PRSS23: variants seen among roughly 807,000 people sequenced by gnomAD.
PRSS23 encodes the protein serine protease 23.
PRSS23 carries 25 observed loss-of-function variants against 34.7 expected under a neutral mutation model. The ratio of observed to expected loss-of-function variants is 0.72; its 90% CI spans 0.53 to 1.01. The LOEUF (loss-of-function observed/expected upper bound fraction) is 1.01. Ranked by LOEUF, PRSS23 falls within the 50% of genes least tolerant of loss-of-function variation. The pLI, the probability that PRSS23 is intolerant of heterozygous loss-of-function variation, is 0.00. For missense variants in PRSS23, 445 were observed against 475.6 expected (o/e 0.94, Z 0.60); for synonymous variants, 176 against 186.6 (o/e 0.94, Z 0.46).
At chr11:86,951,138 A>G (rs1337129045) in intron 2 of PRSS23, 11 of 1,613,864 alleles carry the variant, frequency 6.8e-6, no homozygotes, top group East Asian at 2.2e-5. Context: ...GAGGCTGACT[A>G]GCCTTATACC....
chr11:86,922,936 T>A (rs1182804980), intron 2 of PRSS23, among the ~76,000 whole-genome samples: 2 of 152,146 alleles, frequency 1.3e-5, no homozygotes, highest in African/African-American at 4.8e-5. Flanking sequence ...TGAAATGTGG[T>A]TAGTCTGAAT....
At chr11:86,920,370 C>T (rs957594580) in intron 2 of PRSS23, among the ~76,000 whole-genome samples, 9 of 152,142 alleles carry the variant, frequency 5.9e-5, no homozygotes, top group African/African-American at 1.9e-4. Flanking sequence ...GCCAGTAGTC[C>T]GAACTTGAGA....
rs564951973 is a variant in PRSS23, at chr11:86,793,116, A to G, written c.-14+1921A>G. On this transcript the variant is annotated intron_variant, in intron 1 of 1. Coordinates refer to the PRSS23 transcript ENST00000527521. ...AAATTCTGTTCTTTAGAAGGCTTCTATATTGTGAACTGTTACTTCTGTATT... is the reference window on the plus strand; with the variant it reads ...AAATTCTGTTCTTTAGAAGGCTTCTGTATTGTGAACTGTTACTTCTGTATT... 3.9e-5 allele frequency among the ~76,000 whole-genome samples: 6 copies of G among 152,324 alleles called. 1 individual carries two copies. Among genetic ancestry groups the G allele is most frequent in the African/African-American group, 1.4e-4 (6 of 41,576 alleles).
intron 2 of PRSS23, among the ~76,000 whole-genome samples, chr11:86,916,233 A>C (rs1374743350): frequency 1.3e-5 from 2 of 151,284 alleles, no homozygotes; most frequent in African/African-American, 2.4e-5. Context: ...TTCTTTTTAC[A>C]AAAAAAACCC....
At chr11:86,829,692 G>A (rs2134886085) in intron 2 of PRSS23, among the ~76,000 whole-genome samples, 1 of 152,294 alleles carries the variant, frequency 6.6e-6, no homozygotes, top group African/African-American at 2.4e-5. Flanking sequence ...CTGTTTGTTA[G>A]TTTTCCTTCT....
intron 2 of PRSS23, chr11:86,832,953 AG>A: frequency 2.7e-6 from 1 of 371,388 alleles, no homozygotes; most frequent in Middle Eastern, 9.2e-4. Context: ...TCCTTGATGC[AG>A]GTCATTTGTA....
chr11:86,863,166 G>A (rs937734329), intron 2 of PRSS23, among the ~76,000 whole-genome samples: 9 of 151,982 alleles, frequency 5.9e-5, no homozygotes, highest in Non-Finnish European at 1.2e-4. Flanking sequence ...CACACTTGGT[G>A]TACACTCTGT....
chr11:86,904,499 G>A (rs886884337), intron 2 of PRSS23, among the ~76,000 whole-genome samples: 1 of 152,110 alleles, frequency 6.6e-6, no homozygotes, highest in African/African-American at 2.4e-5. Context: ...AGCTCAAGCA[G>A]TGCCTTTCCC....
chr11:86,952,287 T>A lies in PRSS23; in HGVS notation c.*1002T>A. 6.2e-7 allele frequency: 1 copy of A among 1,614,172 alleles called. No individual in the cohort carries two copies. The highest frequency in any genetic ancestry group is 1.7e-5 in the Admixed American group (1 of 60,028). Reference sequence around the variant, plus strand: ...TCATCACCTGGCCCTTCCATGCACATGTGGTTGTGGTCGTTCTGTGGTGGG... The same window carrying A: ...TCATCACCTGGCCCTTCCATGCACAAGTGGTTGTGGTCGTTCTGTGGTGGG... On this transcript the variant is annotated 3_prime_UTR_variant, in exon 3 of 3. Transcript: ENST00000533902.
intron 2 of PRSS23, among the ~76,000 whole-genome samples, chr11:86,876,715 A>C (rs906085543): frequency 8.6e-6 from 1 of 116,408 alleles, no homozygotes; most frequent in African/African-American, 3.9e-5. Flanking sequence ...TGATCTATAT[A>C]ACAGTTAACA....
At position 86,807,864 on chromosome 11, in the gene PRSS23, C is replaced by T. The variant is rs139293346; in HGVS notation, c.221C>T (p.Pro74Leu). The stretch of plus-strand genomic sequence containing the variant: ...GGACCCCAGTGTCATAAGGGAACTC[C>T]ACTGCCCACTTACGAAGAGGCCAAG... The part of the protein sequence containing the change: ...SCGPQCHKGT[P>L]LPTYEEAKQY... Residue 74 changes from proline (P) to leucine (L), a missense_variant, in exon 2 of 2, where the codon CCA (proline) becomes CTA (leucine). Transcript: ENST00000280258. 7.4e-6 allele frequency: 12 copies of T among 1,613,972 alleles called. No homozygotes were observed. Among genetic ancestry groups the T allele is most frequent in the African/African-American group, 2.7e-5 (2 of 74,886 alleles).
intron 2 of PRSS23, among the ~76,000 whole-genome samples, chr11:86,842,163 G>C (rs959460593): frequency 6.6e-6 from 1 of 152,066 alleles, no homozygotes; most frequent in Non-Finnish European, 1.5e-5. Context: ...ATCACATAAA[G>C]AGAACCAAGA....
At chr11:86,838,457 A>G (rs1255272816) in intron 2 of PRSS23, among the ~76,000 whole-genome samples, 1 of 152,176 alleles carries the variant, frequency 6.6e-6, no homozygotes, top group Non-Finnish European at 1.5e-5. Context: ...CAGTGTAAAC[A>G]AAGCTGCCAG....
At chr11:86,914,095 G>A (rs117662021) in intron 2 of PRSS23, among the ~76,000 whole-genome samples, 14,163 of 150,842 alleles carry the variant, frequency 0.094, 940 homozygotes, top group Non-Finnish European at 0.14. Context: ...ACGTGGTGGC[G>A]TGTGCCTGTA....
rs553803381 is a variant in PRSS23, at chr11:86,898,499, T to C, written c.207-52717T>C. 2.6e-5 allele frequency among the ~76,000 whole-genome samples: 4 copies of C among 152,332 alleles called. No homozygotes were observed. In the South Asian group the frequency reaches 8.3e-4, roughly 32 times the overall value. On this transcript the variant is annotated intron_variant, in intron 2 of 2. Transcript: ENST00000533902. The stretch of plus-strand genomic sequence containing the variant: ...TGTAGTCAATAAGGAAGGAGTCTCT[T>C]TGAGAATTCCATTATGACCATAGCT...
At chr11:86,796,466 C>T (rs1309360209), upstream of PRSS23, among the ~76,000 whole-genome samples, 3 of 151,558 alleles carry the variant, frequency 2.0e-5, no homozygotes, top group East Asian at 5.8e-4. Context: ...ACGGTGAAAC[C>T]CCGTCTCTAC....
chr11:86,928,904 C>T (rs929772440), intron 2 of PRSS23, among the ~76,000 whole-genome samples: 2 of 151,792 alleles, frequency 1.3e-5, no homozygotes, highest in African/African-American at 2.4e-5. Flanking sequence ...TAATGTTTTT[C>T]TGCTCTCAGA....
chr11:86,827,074 G>T (rs1348346875), intron 2 of PRSS23, among the ~76,000 whole-genome samples: 1 of 152,128 alleles, frequency 6.6e-6, no homozygotes, highest in South Asian at 2.1e-4. Context: ...AATGGTACCA[G>T]TTCCTCCTTG....
exon 3 of PRSS23, chr11:86,952,334 T>G: frequency 6.2e-7 from 1 of 1,614,220 alleles, no homozygotes; most frequent in East Asian, 2.2e-5. Flanking sequence ...GTTCAGACTC[T>G]CTGGCCAGGC....
Sources: gnomAD v4.1 joint callset for allele counts (sites outside exome capture counted in the v4.1 genomes callset) on GRCh38, gnomAD v4.1.1 for gene constraint, MANE v1.5 for transcripts, NCBI Gene and HGNC (gene_info 2026-07-23, HGNC 2026-07-21) for gene names.